The following DPP6 variants were observed in gnomAD, a reference collection of about 807,000 sequenced individuals.
DPP6 encodes the protein dipeptidyl peptidase like 6.
Under a neutral mutation model 122.6 loss-of-function variants are expected in DPP6, and 69 were observed. That is an observed-to-expected ratio of 0.56 (90% CI 0.46 to 0.69). The LOEUF (loss-of-function observed/expected upper bound fraction) is 0.69, where lower values mean the gene tolerates loss of function less well. Ranked by LOEUF, DPP6 falls within the 30% of genes least tolerant of loss-of-function variation. The pLI, the probability that DPP6 is intolerant of heterozygous loss-of-function variation, is 0.00. For synonymous variants in DPP6, 418 were observed against 433.1 expected (o/e 0.97, Z 0.43); for missense variants, 928 against 1,116.9 (o/e 0.83, Z 2.41).
Position 154,660,640 on chromosome 7 carries a change from A to G in DPP6, c.681-8720A>G, listed in dbSNP as rs1472940682. ...TATTGGCCGTAGTGTTCATATACTC[A>G]TGGTGAATCACCATGGCGTATTGGC... On this transcript the variant is annotated intron_variant, in intron 6 of 25. Transcript: ENST00000377770. 2.8e-4 allele frequency among the ~76,000 whole-genome samples: 38 copies of G among 137,156 alleles called. 1 individual carries two copies. Among genetic ancestry groups the G allele is most frequent in the Non-Finnish European group, 5.6e-4 (36 of 64,634 alleles). 90.0% of individuals were successfully genotyped at this position (137,156 alleles called of 152,430 possible).
rs1028837841 is a variant in DPP6, at chr7:154,626,982, G to A, written c.628-10839G>A. On this transcript the variant is annotated intron_variant, in intron 5 of 25. Coordinates refer to ENST00000377770, the MANE Select transcript of DPP6 (RefSeq NM_130797.4). ...CTAAATATTTCAAATTTTATCTGGG[G>A]TCCATTAGAAATTTTTTCTTTTTTT... Among the ~76,000 whole-genome samples, 21 of 139,302 alleles carry A rather than the reference G, an allele frequency of 1.5e-4. 2 individuals are homozygous for A. Among genetic ancestry groups the A allele is most frequent in the Admixed American group, 1.2e-3 (16 of 13,870 alleles). The allele number at this position is 139,302 out of a possible 152,430, so 91.4% of individuals were successfully genotyped here. A position where few individuals can be genotyped will look rare whatever the true frequency, so the allele number is the denominator to read the frequency against.
chr7:154,115,858 T>C (rs1270428461), intron 1 of DPP6, among the ~76,000 whole-genome samples: 7 of 152,162 alleles, frequency 4.6e-5, no homozygotes, highest in Non-Finnish European at 8.8e-5. Flanking sequence ...ACTTTCTTGC[T>C]TGCTGTCTGG....
At chr7:154,409,038 G>A (rs1294166241) in intron 1 of DPP6, among the ~76,000 whole-genome samples, 2 of 152,106 alleles carry the variant, frequency 1.3e-5, no homozygotes, top group African/African-American at 4.8e-5. Flanking sequence ...CAGCTGCTCG[G>A]AAGGCTGAGG....
At chr7:153,861,337 ACTCT>A in the DPP6 span, among the ~76,000 whole-genome samples, 1 of 152,190 alleles carries the variant, frequency 6.6e-6, no homozygotes, top group African/African-American at 2.4e-5. Context: ...GCATAGCTAC[ACTCT>A]CTAAGTAAGA....
intron 1 of DPP6, among the ~76,000 whole-genome samples, chr7:153,920,561 C>CTTTTTTTTT (rs1489811189): frequency 0.021 from 1,296 of 62,232 alleles, 68 homozygotes; most frequent in African/African-American, 0.05. Context: ...TTTTATCTCT[C>CTTTTTTTTT]TCTTTTTTTT....
At chr7:154,133,558 G>C (rs1397603673) in intron 1 of DPP6, among the ~76,000 whole-genome samples, 1 of 152,162 alleles carries the variant, frequency 6.6e-6, no homozygotes. Flanking sequence ...ACTGCTGGGA[G>C]AATACAGGAA....
intron 1 of DPP6, among the ~76,000 whole-genome samples, chr7:154,251,633 C>G (rs1254396716): frequency 6.6e-6 from 1 of 152,236 alleles, no homozygotes; most frequent in East Asian, 1.9e-4. Flanking sequence ...GACAGTGCAG[C>G]CTTCAGTCTG....
At chr7:154,388,246 C>G (rs958942943) in intron 1 of DPP6, among the ~76,000 whole-genome samples, 2 of 152,118 alleles carry the variant, frequency 1.3e-5, no homozygotes, top group African/African-American at 4.8e-5. Flanking sequence ...GAGCTGTAAT[C>G]ACACCACTCC....
At chr7:154,766,074 A>G (rs977281884) in intron 8 of DPP6, among the ~76,000 whole-genome samples, 1 of 152,240 alleles carries the variant, frequency 6.6e-6, no homozygotes, top group African/African-American at 2.4e-5. Context: ...CACATTAATG[A>G]GCAACTAACG....
At chr7:153,939,478 T>C (rs1045111459) in intron 1 of DPP6, among the ~76,000 whole-genome samples, 1 of 152,192 alleles carries the variant, frequency 6.6e-6, no homozygotes, top group African/African-American at 2.4e-5. Flanking sequence ...TTACTGAAAT[T>C]AGTCTTAAAT....
At chr7:154,860,997 G>A (rs555305744) in intron 17 of DPP6, among the ~76,000 whole-genome samples, 1 of 152,278 alleles carries the variant, frequency 6.6e-6, no homozygotes, top group Non-Finnish European at 1.5e-5. Flanking sequence ...GAAAGTAAAT[G>A]TTAAAAGAAA....
chr7:154,814,133 G>A (rs567638786), intron 16 of DPP6, among the ~76,000 whole-genome samples: 7 of 124,398 alleles, frequency 5.6e-5, no homozygotes, highest in East Asian at 4.6e-4. Flanking sequence ...CACCTGCCTC[G>A]GCCTCCCAAA....
chr7:154,633,520 G>A (rs947421826), intron 5 of DPP6, among the ~76,000 whole-genome samples: 3 of 152,218 alleles, frequency 2.0e-5, no homozygotes, highest in Non-Finnish European at 2.9e-5. Context: ...ACAGGCGTGA[G>A]CCACCACTCC....
intron 7 of DPP6, among the ~76,000 whole-genome samples, chr7:154,678,450 C>T (rs1400838534): frequency 6.6e-6 from 1 of 152,170 alleles, no homozygotes. Context: ...CCTTTAAGAG[C>T]TGTGACACTC....
chr7:154,572,517 T>C (rs1831183455), intron 5 of DPP6, among the ~76,000 whole-genome samples: 2 of 48,904 alleles, frequency 4.1e-5, no homozygotes, highest in Admixed American at 3.3e-4. Context: ...TTTCTTTTTT[T>C]TTTTTTTTTT....
At chr7:154,528,157 A>G (rs79127539) in intron 3 of DPP6, among the ~76,000 whole-genome samples, 4,298 of 152,290 alleles carry the variant, frequency 0.028, 95 homozygotes, top group South Asian at 0.083. Flanking sequence ...ATGAAAAGTA[A>G]CTAGCAATTG....
intron 3 of DPP6, among the ~76,000 whole-genome samples, chr7:154,490,099 C>G (rs1052916355): frequency 6.6e-6 from 1 of 152,210 alleles, no homozygotes; most frequent in African/African-American, 2.4e-5. Context: ...AGTCACTTAC[C>G]TTAGGCCACA....
the DPP6 span, among the ~76,000 whole-genome samples, chr7:153,754,882 A>C: frequency 7.1e-6 from 1 of 140,838 alleles, no homozygotes. Context: ...CATAATTTCT[A>C]TTTTCTGCTT....
At chr7:154,888,971 C>T (rs1164712963) in intron 23 of DPP6, among the ~76,000 whole-genome samples, 2 of 151,236 alleles carry the variant, frequency 1.3e-5, no homozygotes, top group African/African-American at 4.8e-5. Context: ...ATCATGAGAA[C>T]AGCAGCACAG....
Sources: allele counts gnomAD v4.1 joint callset (sites outside exome capture counted in the v4.1 genomes callset), GRCh38; gene constraint gnomAD v4.1.1; transcripts MANE v1.5; gene names NCBI Gene and HGNC (gene_info 2026-07-23, HGNC 2026-07-21).